The following CCDC13 variants were observed in gnomAD, a reference collection of about 807,000 sequenced individuals.
CCDC13 encodes coiled-coil domain-containing protein 13.
CCDC13 carries 70 observed loss-of-function variants against 87.3 expected under a neutral mutation model. The ratio of observed to expected loss-of-function variants is 0.80; its 90% CI spans 0.66 to 0.98. The LOEUF (loss-of-function observed/expected upper bound fraction) is 0.98, where lower values mean the gene tolerates loss of function less well. Among genes scored for constraint, CCDC13 ranks in the 50% least tolerant of loss-of-function variants. The probability of loss-of-function intolerance (pLI) is 0.00; values close to 1 mark genes in which losing one functional copy is unlikely to be tolerated. For missense variants in CCDC13, 842 were observed against 892.0 expected, an observed-to-expected ratio of 0.94 and a Z score of 0.71; for synonymous variants, 317 against 360.3, an observed-to-expected ratio of 0.88 and a Z score of 1.36.
intron 2 of CCDC13, 126 bp downstream of exon 2, chr3:42,757,999 A>T (rs1318687278): frequency 2.8e-6 from 2 of 723,548 alleles, no homozygotes; most frequent in Non-Finnish European, 4.5e-6. Context: ...GCTATAATTA[A>T]GGCTCTAAGC....
chr3:42,767,881 G>A (rs377078290), intron 1 of CCDC13, among the ~76,000 whole-genome samples: 5 of 152,188 alleles, frequency 3.3e-5, no homozygotes, highest in African/African-American at 1.2e-4. Context: ...GGCTGAGGCA[G>A]GAGAATCGCT....
At chr3:42,743,261 C>T (rs1157125824) in intron 7 of CCDC13, among the ~76,000 whole-genome samples, 4 of 151,968 alleles carry the variant, frequency 2.6e-5, no homozygotes, top group African/African-American at 7.3e-5. Flanking sequence ...GAAAGTTCAG[C>T]TTAGAAAAAT....
At chr3:42,721,541 T>C (rs567966755) in intron 13 of CCDC13, among the ~76,000 whole-genome samples, 4 of 152,230 alleles carry the variant, frequency 2.6e-5, no homozygotes, top group Non-Finnish European at 5.9e-5. Context: ...CAAGGAAACT[T>C]TTCAGCTATT....
intron 1 of CCDC13, among the ~76,000 whole-genome samples, chr3:42,760,223 A>G (rs939431492): frequency 2.0e-5 from 3 of 152,034 alleles, no homozygotes; most frequent in African/African-American, 4.8e-5. Flanking sequence ...CCCAGGAGGC[A>G]GAGGTTGCAG....
intron 3 of CCDC13, among the ~76,000 whole-genome samples, chr3:42,753,182 G>C (rs927598425): frequency 6.6e-6 from 1 of 152,142 alleles, no homozygotes; most frequent in East Asian, 1.9e-4. Context: ...AAAAGCACTC[G>C]TGCAGTTAAA....
chr3:42,717,424 C>CAAAA (rs35259284), intron 13 of CCDC13, among the ~76,000 whole-genome samples: 3 of 125,806 alleles, frequency 2.4e-5, no homozygotes, highest in Admixed American at 8.3e-5. Context: ...GAATCCATCT[C>CAAAA]AAAAAAAAAA....
At chr3:42,756,972 T>C in intron 3 of CCDC13, 94 bp downstream of exon 3, 2 of 1,260,324 alleles carry the variant, frequency 1.6e-6, no homozygotes, top group South Asian at 1.4e-5. Context: ...CCCTTGGCAC[T>C]CTCTTGGGAA....
At chr3:42,730,367 C>A in intron 13 of CCDC13, 100 bp downstream of exon 13, 2 of 1,498,078 alleles carry the variant, frequency 1.3e-6, no homozygotes, top group East Asian at 2.3e-5. Context: ...CACTGGGAGC[C>A]GAGCTCTCAG....
chr3:42,758,231 T>G lies in CCDC13; in HGVS notation c.115A>C (p.Ser39Arg). 1 of 1,614,026 alleles carries G rather than the reference T, an allele frequency of 6.2e-7. No homozygotes were observed. The highest frequency in any genetic ancestry group is 8.5e-7 in the Non-Finnish European group (1 of 1,180,038). ...TGGTCGTCAGCTCTGCTTTTGAGGC[T>G]CAGTTCTTTTTCCCTCTTTTTCTCC... is the stretch of plus-strand genomic sequence containing the variant. ...QMEKKREKELSLKSRADDQEE... is the reference protein window; with the variant it reads ...QMEKKREKELRLKSRADDQEE... The change falls in exon 2 of 16, where the codon AGC (serine) becomes CGC (arginine). Residue 39 changes from serine (S) to arginine (R), a missense_variant. By Grantham distance (110) the Ser-to-Arg change is moderately radical. Transcript: ENST00000310232.
chr3:42,757,573 C>A (rs1416078779), intron 2 of CCDC13, among the ~76,000 whole-genome samples: 2 of 152,108 alleles, frequency 1.3e-5, no homozygotes, highest in Admixed American at 1.3e-4. Context: ...ACAAAATTAG[C>A]CAGGCATGGT....
chr3:42,739,892 C>G, intron 8 of CCDC13, 82 bp from the exon 9 acceptor site: 2 of 1,359,212 alleles, frequency 1.5e-6, no homozygotes, highest in Non-Finnish European at 2.1e-6. Flanking sequence ...TACTCAATGG[C>G]AAGGCCCGGG....
chr3:42,751,853 A>G, intron 5 of CCDC13, 83 bp downstream of exon 5: 1 of 1,252,408 alleles, frequency 8.0e-7, no homozygotes, highest in Non-Finnish European at 1.2e-6. Flanking sequence ...CCTCGGGTAG[A>G]GGTACCTACA....
chr3:42,765,304 G>A (rs1699906849), intron 1 of CCDC13, among the ~76,000 whole-genome samples: 1 of 152,232 alleles, frequency 6.6e-6, no homozygotes, highest in African/African-American at 2.4e-5. Context: ...GGACACCTGT[G>A]GTCCAGACCG....
intron 13 of CCDC13, among the ~76,000 whole-genome samples, chr3:42,727,145 G>A (rs924322550): frequency 2.6e-5 from 4 of 152,104 alleles, no homozygotes; most frequent in Admixed American, 2.0e-4. Flanking sequence ...GCTGAGGCAG[G>A]CAGATCACCT....
Position 42,758,288 on chromosome 3 carries a change from C to T in CCDC13, c.58G>A (p.Glu20Lys), listed in dbSNP as rs144956988. 27 of 1,613,388 alleles carry T rather than the reference C, an allele frequency of 1.7e-5. No individual in the cohort carries two copies. Among genetic ancestry groups the T allele is most frequent in the Admixed American group, 3.3e-5 (2 of 60,006 alleles). The change falls in exon 2 of 16, where the codon GAG becomes AAG. Residue 20 changes from glutamate (E) to lysine (K), a missense_variant. Coordinates refer to ENST00000310232, the MANE Select transcript of CCDC13 (RefSeq NM_144719.4). ...TLRLQFKAMQ[E>K]MQHKRLQKQM... ...TTCTGTAACCGTTTGTGCTGCATCT[C>T]CTGCATTGCCTTGAACTGGAGCCGC...
intron 14 of CCDC13, among the ~76,000 whole-genome samples, chr3:42,710,227 C>T (rs1197508362): frequency 6.6e-6 from 1 of 151,618 alleles, no homozygotes; most frequent in Non-Finnish European, 1.5e-5. Context: ...CTTGTGCCTC[C>T]CGAGTAGCTG....
rs1418022004 is a variant in CCDC13, at chr3:42,707,046, C to T, written c.*1934G>A. Among the ~76,000 whole-genome samples, 1 of 152,172 alleles carries T rather than the reference C, an allele frequency of 6.6e-6. No homozygotes were observed. The highest frequency in any genetic ancestry group is 2.4e-5 in the African/African-American group (1 of 41,446). ...ACCCTGAAGTGGCTGGAGTGTGGGT[C>T]ACACCATCTCTGCACTTCCCTGAGG... On this transcript the variant is annotated 3_prime_UTR_variant, in exon 16 of 16. Coordinates refer to ENST00000310232, the MANE Select transcript of CCDC13 (RefSeq NM_144719.4).
chr3:42,763,907 G>C (rs1699883589), intron 1 of CCDC13, among the ~76,000 whole-genome samples: 1 of 152,076 alleles, frequency 6.6e-6, no homozygotes, highest in Non-Finnish European at 1.5e-5. Flanking sequence ...GGCACAGCTT[G>C]GTTTTATACA....
chr3:42,739,272 G>A (rs1699133777), intron 9 of CCDC13, among the ~76,000 whole-genome samples: 1 of 152,178 alleles, frequency 6.6e-6, no homozygotes, highest in Non-Finnish European at 1.5e-5. Context: ...CTGTGCCACT[G>A]CAGAGATAAG....
Sources: gnomAD v4.1 joint callset for allele counts (sites outside exome capture counted in the v4.1 genomes callset) on GRCh38, gnomAD v4.1.1 for gene constraint, MANE v1.5 for transcripts, NCBI Gene and HGNC (gene_info 2026-07-23, HGNC 2026-07-21) for gene names.